The following GSE1 variants were observed in gnomAD, a reference collection of about 807,000 sequenced individuals.
The protein encoded by GSE1 is Gse1 coiled-coil protein.
A neutral mutation model predicts 112.6 loss-of-function variants in GSE1; 32 were observed. The ratio of observed to expected loss-of-function variants is 0.28; its 90% confidence interval spans 0.21 to 0.38. GSE1 has a LOEUF of 0.38. Ranked by LOEUF, GSE1 falls within the 10% of genes least tolerant of loss-of-function variation. The probability of loss-of-function intolerance (pLI) is 1.00; values close to 1 mark genes in which losing one functional copy is unlikely to be tolerated. For synonymous variants in GSE1, 1,115 were observed against 735.6 expected, an observed-to-expected ratio of 1.52 and a Z score of -8.35; for missense variants, 2,348 against 1,699.2, an observed-to-expected ratio of 1.38 and a Z score of -6.71.
At chr16:85,325,538 G>T (rs751667552) in intron 1 of GSE1, among the ~76,000 whole-genome samples, 2 of 151,812 alleles carry the variant, frequency 1.3e-5, no homozygotes, top group Non-Finnish European at 2.9e-5. Flanking sequence ...TGCAACCTCC[G>T]CCTCCTGGGT....
intron 1 of GSE1, among the ~76,000 whole-genome samples, chr16:85,252,830 A>G (rs1597195844): frequency 6.6e-6 from 1 of 151,978 alleles, no homozygotes; most frequent in Non-Finnish European, 1.5e-5. Context: ...GGCTCTGTAT[A>G]CTCCAGTAAG....
chr16:85,357,471 T>C, exon 2 of GSE1: 1 of 1,225,498 alleles, frequency 8.2e-7, no homozygotes, highest in Non-Finnish European at 1.0e-6. Context: ...AGCCTGTTTG[T>C]GGATCTCTGG....
chr16:85,208,972 G>T (rs1205215547), intron 1 of GSE1, among the ~76,000 whole-genome samples: 1 of 151,694 alleles, frequency 6.6e-6, no homozygotes, highest in Non-Finnish European at 1.5e-5. Flanking sequence ...GCCTGTGTTG[G>T]GGTTTGCCAC....
At chr16:85,382,338 C>T (rs369855647) in intron 2 of GSE1, among the ~76,000 whole-genome samples, 1 of 152,302 alleles carries the variant, frequency 6.6e-6, no homozygotes, top group Middle Eastern at 3.4e-3. Flanking sequence ...AGTCACCAGA[C>T]CCTCTGAGAC....
intron 2 of GSE1, among the ~76,000 whole-genome samples, chr16:85,481,746 C>G (rs1730523675): frequency 1.3e-5 from 2 of 152,222 alleles, no homozygotes; most frequent in South Asian, 4.1e-4. Context: ...GAGGACTCTG[C>G]CCAATGCCCG....
chr16:85,614,161 C>G (rs773376422), intron 1 of GSE1, among the ~76,000 whole-genome samples: 1 of 151,908 alleles, frequency 6.6e-6, no homozygotes, highest in African/African-American at 2.4e-5. Context: ...CGCCCCCCAC[C>G]CGCACTGGCC....
chr16:85,537,213 G>T (rs908146683), intron 2 of GSE1, among the ~76,000 whole-genome samples: 1 of 152,250 alleles, frequency 6.6e-6, no homozygotes, highest in African/African-American at 2.4e-5. Context: ...GCTGTGGATG[G>T]TGGTGGCCCA....
chr16:85,641,957 G>C (rs2050484501), intron 2 of GSE1, among the ~76,000 whole-genome samples: 1 of 152,252 alleles, frequency 6.6e-6, no homozygotes, highest in Admixed American at 6.5e-5. Context: ...AAACAGGTCG[G>C]TAGGCGAAAG....
At chr16:85,397,971 C>T (rs557258551) in intron 2 of GSE1, among the ~76,000 whole-genome samples, 1 of 144,350 alleles carries the variant, frequency 6.9e-6, no homozygotes, top group Admixed American at 7.0e-5. Flanking sequence ...CAGTTAGTTC[C>T]GAATCGTGGG....
intron 1 of GSE1, among the ~76,000 whole-genome samples, chr16:85,351,599 G>A (rs1037084364): frequency 6.6e-6 from 1 of 152,130 alleles, no homozygotes; most frequent in East Asian, 1.9e-4. Flanking sequence ...GGTGGTAATG[G>A]TTACACAGCT....
intron 1 of GSE1, among the ~76,000 whole-genome samples, chr16:85,184,574 C>T (rs958604302): frequency 6.6e-6 from 1 of 152,228 alleles, no homozygotes; most frequent in African/African-American, 2.4e-5. Context: ...ATTATCCCTA[C>T]TTTAATAGAG....
At chr16:85,255,790 G>A (rs1907012802) in intron 1 of GSE1, among the ~76,000 whole-genome samples, 1 of 151,992 alleles carries the variant, frequency 6.6e-6, no homozygotes, top group African/African-American at 2.4e-5. Context: ...CTGCGCTCAA[G>A]CCATCCTCCC....
Position 85,508,195 on chromosome 16 carries a change from A to G in GSE1, c.2465-125719A>G, listed in dbSNP as rs189060489. ...ATTACAGGCATGCGTCACCACGCCC[A>G]GCTAATTTTTGTGTTTTTAGTAGAG... On this transcript the variant is annotated intron_variant, in intron 2 of 2. Transcript: ENST00000637419. Among the ~76,000 whole-genome samples the G allele has an allele frequency of 4.0e-4, 61 of 152,110 alleles. 1 individual carries two copies. The East Asian group carries it at 8.5e-3, about 21-fold the overall frequency.
chr16:85,205,811 C>T (rs2075104922), intron 1 of GSE1, among the ~76,000 whole-genome samples: 1 of 152,200 alleles, frequency 6.6e-6, no homozygotes, highest in East Asian at 1.9e-4. Context: ...TTGAACTGAG[C>T]CCTGGATGAC....
At chr16:85,504,316 C>G (rs377652216) in intron 2 of GSE1, among the ~76,000 whole-genome samples, 1 of 152,200 alleles carries the variant, frequency 6.6e-6, no homozygotes, top group Admixed American at 6.5e-5. Context: ...ACTCGTGCTG[C>G]GGGCCACACA....
intron 13 of GSE1, among the ~76,000 whole-genome samples, chr16:85,666,988 TTACAAG>T (rs564704822): frequency 9.9e-5 from 15 of 152,264 alleles, no homozygotes; most frequent in Non-Finnish European, 2.1e-4. Flanking sequence ...GTGTTAGGTA[TTACAAG>T]TACTCTAGAG....
chr16:85,339,891 C>G (rs1421979359), intron 1 of GSE1, among the ~76,000 whole-genome samples: 2 of 152,138 alleles, frequency 1.3e-5, no homozygotes, highest in Admixed American at 1.3e-4. Flanking sequence ...CGGATCTTTC[C>G]CTGTCTTACT....
intron 1 of GSE1, among the ~76,000 whole-genome samples, chr16:85,272,779 T>G (rs1908978657): frequency 8.0e-6 from 1 of 125,724 alleles, no homozygotes; most frequent in South Asian, 2.2e-4. Context: ...TCTCTTTTCT[T>G]TTTTTTTTTT....
intron 1 of GSE1, among the ~76,000 whole-genome samples, chr16:85,196,727 C>T (rs2074934687): frequency 6.6e-6 from 1 of 152,092 alleles, no homozygotes; most frequent in Non-Finnish European, 1.5e-5. Context: ...GCCAAGGCTC[C>T]CTGTGTTGGG....
Sources: allele counts gnomAD v4.1 joint callset (sites outside exome capture counted in the v4.1 genomes callset), GRCh38; gene constraint gnomAD v4.1.1; transcripts MANE v1.5; gene names NCBI Gene and HGNC (gene_info 2026-07-23, HGNC 2026-07-21).